The following DCLK1 variants were observed in gnomAD, a reference collection of about 807,000 sequenced individuals.
DCLK1 encodes the protein doublecortin like kinase 1.
Under a neutral mutation model 86.2 loss-of-function variants are expected in DCLK1, and 16 were observed. The ratio of observed to expected loss-of-function variants is 0.19; its 90% CI spans 0.13 to 0.28. DCLK1 has a LOEUF of 0.28. Among genes scored for constraint, DCLK1 ranks in the 10% least tolerant of loss-of-function variants. The pLI is 1.00. For synonymous variants in DCLK1, 369 were observed against 370.5 expected (o/e 1.00, Z 0.05); for missense variants, 590 against 940.2 (o/e 0.63, Z 4.87).
intron 3 of DCLK1, among the ~76,000 whole-genome samples, chr13:35,962,846 T>A (rs1018760214): frequency 6.6e-6 from 1 of 152,222 alleles, no homozygotes; most frequent in Non-Finnish European, 1.5e-5. Flanking sequence ...CATGACCAGT[T>A]CCTGATTGTA....
chr13:36,101,571 T>A (rs7995469), intron 3 of DCLK1, among the ~76,000 whole-genome samples: 81,124 of 151,848 alleles, frequency 0.53, 22,060 homozygotes, highest in East Asian at 0.83. Context: ...CCTGAGCAGC[T>A]CTTCTGAAAC....
intron 3 of DCLK1, among the ~76,000 whole-genome samples, chr13:36,043,034 A>T (rs1735600885): frequency 6.6e-6 from 1 of 152,174 alleles, no homozygotes; most frequent in South Asian, 2.1e-4. Context: ...ATTTAGAGGG[A>T]AAAAAAGTTT....
At chr13:35,874,774 C>T (rs1489269309) in intron 4 of DCLK1, among the ~76,000 whole-genome samples, 1 of 152,178 alleles carries the variant, frequency 6.6e-6, no homozygotes, top group African/African-American at 2.4e-5. Flanking sequence ...GATTTTGATT[C>T]GCAAAACAGA....
At chr13:35,793,655 T>C (rs573723385) in intron 15 of DCLK1, among the ~76,000 whole-genome samples, 176 bp from the exon 16 acceptor site, 239 of 152,308 alleles carry the variant, frequency 1.6e-3, no homozygotes, top group African/African-American at 5.3e-3. Flanking sequence ...CAAGGTCTCA[T>C]TCATTTCCAC....
At chr13:35,950,999 C>T (rs1037130810) in intron 3 of DCLK1, among the ~76,000 whole-genome samples, 10 of 151,934 alleles carry the variant, frequency 6.6e-5, no homozygotes, top group Admixed American at 2.6e-4. Context: ...TCAGCCCTAC[C>T]GCCTTTCTGT....
chr13:36,084,509 C>T (rs996614912), intron 3 of DCLK1, among the ~76,000 whole-genome samples: 1 of 152,030 alleles, frequency 6.6e-6, no homozygotes, highest in African/African-American at 2.4e-5. Flanking sequence ...ACTAAACTGA[C>T]AGCACAGAAG....
Position 35,774,664 on chromosome 13 carries a change from T to A in DCLK1, c.2094A>T (p.Arg698=), listed in dbSNP as rs748275647. 3 of 1,611,270 alleles carry A rather than the reference T, an allele frequency of 1.9e-6. No homozygotes were observed. The highest frequency in any genetic ancestry group is 2.5e-6 in the Non-Finnish European group (3 of 1,178,968). Residue 698 remains arginine, a synonymous_variant, in exon 17 of 17, where the codon CGA becomes CGT. Transcript: ENST00000360631. Reference sequence around the variant, plus strand: ...TCCTCACATCCTGGTTGCGTCTTCGTCGGAAAACCTGCCTCTCCTTATCAA... The same window carrying A: ...TCCTCACATCCTGGTTGCGTCTTCGACGGAAAACCTGCCTCTCCTTATCAA... ...TALDKERQVF[R]RRRNQDVRSR...
At chr13:35,949,015 T>C (rs1485352899) in intron 3 of DCLK1, among the ~76,000 whole-genome samples, 1 of 152,188 alleles carries the variant, frequency 6.6e-6, no homozygotes, top group Non-Finnish European at 1.5e-5. Flanking sequence ...CAACCCCCTA[T>C]GGCCATTTTC....
In DCLK1 at chr13:35,779,524, T is replaced by G. The variant is rs552733548; in HGVS notation, c.2059-4825A>C. On this transcript the variant is annotated intron_variant, in intron 16 of 16. Transcript: ENST00000360631. ...CACATATTAAGTGTGTATTAAACAT[T>G]TCTTAGTGAATACGGCATTATTTTA... 2.0e-5 allele frequency among the ~76,000 whole-genome samples: 3 copies of G among 152,338 alleles called. No homozygotes were observed. In the South Asian group the frequency reaches 6.2e-4, roughly 32 times the overall value.
chr13:35,978,333 G>A (rs1879460811), intron 3 of DCLK1, among the ~76,000 whole-genome samples: 1 of 149,754 alleles, frequency 6.7e-6, no homozygotes, highest in Admixed American at 6.7e-5. Flanking sequence ...AGCCTCCCAA[G>A]TAGCTGGAAT....
chr13:35,928,264 A>T (rs547164460), intron 4 of DCLK1, among the ~76,000 whole-genome samples: 1 of 151,602 alleles, frequency 6.6e-6, no homozygotes, highest in South Asian at 2.1e-4. Flanking sequence ...GTCTGGGCCG[A>T]CTCCTGGTAG....
At chr13:36,098,372 G>T (rs988088079) in intron 3 of DCLK1, among the ~76,000 whole-genome samples, 2 of 152,138 alleles carry the variant, frequency 1.3e-5, no homozygotes, top group Non-Finnish European at 2.9e-5. Context: ...TCCCAGAACT[G>T]ATCTGACACA....
intron 4 of DCLK1, among the ~76,000 whole-genome samples, chr13:35,914,770 G>T (rs868125675): frequency 6.6e-6 from 1 of 151,866 alleles, no homozygotes; most frequent in African/African-American, 2.4e-5. Flanking sequence ...CAAATTCTGG[G>T]CTGTTTATGA....
At chr13:35,890,731 T>C (rs1873591897) in intron 4 of DCLK1, among the ~76,000 whole-genome samples, 1 of 151,970 alleles carries the variant, frequency 6.6e-6, no homozygotes, top group South Asian at 2.1e-4. Flanking sequence ...TTTCCTTACC[T>C]GTTTGAGAAA....
intron 6 of DCLK1, chr13:35,846,757 C>T (rs1341626897): frequency 1.0e-6 from 1 of 985,070 alleles, no homozygotes; most frequent in Non-Finnish European, 1.2e-6. Flanking sequence ...AAGGTTAATG[C>T]AAATATGCAT....
intron 8 of DCLK1, among the ~76,000 whole-genome samples, chr13:35,833,416 G>T (rs934560446): frequency 1.3e-5 from 2 of 152,122 alleles, no homozygotes; most frequent in South Asian, 2.1e-4. Flanking sequence ...GCCTCAAAAT[G>T]CTCCACGAAA....
intron 4 of DCLK1, among the ~76,000 whole-genome samples, chr13:35,876,022 G>C (rs542700989): frequency 7.9e-5 from 12 of 152,244 alleles, no homozygotes; most frequent in African/African-American, 2.6e-4. Context: ...AATGTCTATC[G>C]GTGTCCATGG....
At chr13:35,839,243 C>A (rs1311678222) in intron 6 of DCLK1, 67 bp from the exon 7 acceptor site, 2 of 1,380,566 alleles carry the variant, frequency 1.4e-6, no homozygotes, top group East Asian at 2.5e-5. Context: ...AGGGACCATG[C>A]CCAGCCCGGA....
intron 4 of DCLK1, among the ~76,000 whole-genome samples, chr13:35,880,462 T>C (rs968974873): frequency 5.9e-5 from 9 of 152,200 alleles, no homozygotes; most frequent in African/African-American, 2.2e-4. Flanking sequence ...AACTCCAAAA[T>C]GGTGTTCCTC....
Sources: allele counts gnomAD v4.1 joint callset (sites outside exome capture counted in the v4.1 genomes callset), GRCh38; gene constraint gnomAD v4.1.1; transcripts MANE v1.5; gene names NCBI Gene and HGNC (gene_info 2026-07-23, HGNC 2026-07-21).